Variants in WIF1 observed in about 807,000 individuals in gnomAD.
WIF1 encodes the protein Wnt inhibitory factor 1.
WIF1 carries 35 observed loss-of-function variants against 53.5 expected under a neutral mutation model. That is an observed-to-expected ratio of 0.65 (90% CI 0.50 to 0.87). WIF1 has a LOEUF of 0.87. WIF1 is among the 40% of genes least tolerant of loss of function. The pLI is 0.00. For synonymous variants in WIF1, 171 were observed against 170.4 expected (o/e 1.00, Z -0.03); for missense variants, 467 against 476.8 (o/e 0.98, Z 0.19).
At chr12:65,066,178 G>A (rs1223895168) in intron 6 of WIF1, among the ~76,000 whole-genome samples, 1 of 152,186 alleles carries the variant, frequency 6.6e-6, no homozygotes, top group Non-Finnish European at 1.5e-5. Flanking sequence ...CATTTCTTCT[G>A]CCTGAAACCA....
intron 2 of WIF1, among the ~76,000 whole-genome samples, chr12:65,102,188 G>T (rs779665495): frequency 6.6e-6 from 1 of 152,120 alleles, no homozygotes; most frequent in Non-Finnish European, 1.5e-5. Context: ...TGGTGGGCAG[G>T]TAAGACAGAA....
chr12:65,102,241 A>G (rs769257027), intron 2 of WIF1, among the ~76,000 whole-genome samples: 2 of 152,138 alleles, frequency 1.3e-5, no homozygotes, highest in Admixed American at 6.6e-5. Flanking sequence ...AACAGAACCA[A>G]TAGGAGTTAT....
intron 2 of WIF1, among the ~76,000 whole-genome samples, chr12:65,108,822 T>C (rs763558367): frequency 2.6e-5 from 4 of 152,154 alleles, no homozygotes; most frequent in African/African-American, 4.8e-5. Flanking sequence ...ACATTTAGAG[T>C]CCTACCTTAC....
intron 2 of WIF1, among the ~76,000 whole-genome samples, chr12:65,088,647 T>A (rs1404976022): frequency 2.0e-5 from 3 of 152,150 alleles, no homozygotes; most frequent in African/African-American, 7.2e-5. Flanking sequence ...CTATCTCTCC[T>A]GTCTTCTATG....
At chr12:65,104,835 A>C (rs1417160173) in intron 2 of WIF1, among the ~76,000 whole-genome samples, 5 of 152,194 alleles carry the variant, frequency 3.3e-5, no homozygotes, top group Non-Finnish European at 7.4e-5. Context: ...CTCTTTTCTC[A>C]TTAGAGCATA....
chr12:65,058,149 C>T (rs1857910770), intron 7 of WIF1, among the ~76,000 whole-genome samples: 1 of 151,868 alleles, frequency 6.6e-6, no homozygotes, highest in Admixed American at 6.6e-5. Flanking sequence ...GTTAAGATCT[C>T]AGCTCTCACC....
chr12:65,116,195 A>C (rs1883506048), intron 2 of WIF1, among the ~76,000 whole-genome samples: 1 of 152,166 alleles, frequency 6.6e-6, no homozygotes, highest in Non-Finnish European at 1.5e-5. Flanking sequence ...ACTATATTAT[A>C]CACCAGGGGT....
chr12:65,065,931 C>T (rs759443062), intron 6 of WIF1, among the ~76,000 whole-genome samples: 18 of 152,106 alleles, frequency 1.2e-4, no homozygotes, highest in Non-Finnish European at 2.2e-4. Flanking sequence ...GAAGGAAGAA[C>T]CTAATCTCTC....
At chr12:65,110,748 T>C (rs1883418435) in intron 2 of WIF1, among the ~76,000 whole-genome samples, 1 of 152,214 alleles carries the variant, frequency 6.6e-6, no homozygotes, top group Non-Finnish European at 1.5e-5. Context: ...TGGAGATATA[T>C]GGTGAACAGG....
At chr12:65,063,439 T>C (rs1023608706) in intron 6 of WIF1, among the ~76,000 whole-genome samples, 1 of 152,216 alleles carries the variant, frequency 6.6e-6, no homozygotes. Context: ...ATTCCAGTTA[T>C]ATGACCCATT....
chr12:65,099,263 T>C (rs754922959), intron 2 of WIF1, among the ~76,000 whole-genome samples: 3 of 152,206 alleles, frequency 2.0e-5, no homozygotes, highest in Non-Finnish European at 4.4e-5. Flanking sequence ...TAGAAATCTT[T>C]TGATAGCCAA....
At chr12:65,053,167 A>T (rs1882467117) in intron 9 of WIF1, among the ~76,000 whole-genome samples, 1 of 152,202 alleles carries the variant, frequency 6.6e-6, no homozygotes, top group Non-Finnish European at 1.5e-5. Flanking sequence ...ATGTCCTAGC[A>T]GGGATACCAT....
At chr12:65,061,396 G>T (rs1233838222) in intron 7 of WIF1, among the ~76,000 whole-genome samples, 1 of 152,156 alleles carries the variant, frequency 6.6e-6, no homozygotes, top group Non-Finnish European at 1.5e-5. Context: ...CACAGACCAA[G>T]TTTCCCTCAA....
chr12:65,120,720 G>T (rs1352170612), intron 1 of WIF1, 164 bp from the exon 2 acceptor site: 4 of 907,000 alleles, frequency 4.4e-6, no homozygotes, highest in African/African-American at 1.7e-5. Context: ...TTTCTCTGTG[G>T]ATGATGAGAA....
At chr12:65,078,528 A>T (rs1882899761) in intron 2 of WIF1, among the ~76,000 whole-genome samples, 1 of 152,146 alleles carries the variant, frequency 6.6e-6, no homozygotes. Flanking sequence ...CCTAATTCTA[A>T]ATTCTGAAGT....
intron 2 of WIF1, among the ~76,000 whole-genome samples, chr12:65,088,027 G>C (rs142930462): frequency 3.0e-4 from 46 of 152,206 alleles, no homozygotes; most frequent in African/African-American, 1.0e-3. Flanking sequence ...TTTAAAAGTT[G>C]TTACTCATAC....
chr12:65,117,911 T>G (rs1399729288), intron 2 of WIF1, among the ~76,000 whole-genome samples: 1 of 152,188 alleles, frequency 6.6e-6, no homozygotes, highest in Non-Finnish European at 1.5e-5. Context: ...AAAGCTTCAG[T>G]CACTGGCCTG....
At chr12:65,102,933 A>G (rs1471012882) in intron 2 of WIF1, among the ~76,000 whole-genome samples, 1 of 152,218 alleles carries the variant, frequency 6.6e-6, no homozygotes, top group Non-Finnish European at 1.5e-5. Flanking sequence ...ATGGATGGCA[A>G]AAAACATCTA....
chr12:65,106,380 T>TA, intron 2 of WIF1, among the ~76,000 whole-genome samples: 1 of 114,132 alleles, frequency 8.8e-6, no homozygotes, highest in South Asian at 3.1e-4. Context: ...TATATTTTTT[T>TA]TTATTTTTTT....
Sources: allele counts gnomAD v4.1 joint callset (sites outside exome capture counted in the v4.1 genomes callset), GRCh38; gene constraint gnomAD v4.1.1; transcripts MANE v1.5; gene names NCBI Gene and HGNC (gene_info 2026-07-23, HGNC 2026-07-21).